The following SEMA4B variants were observed in gnomAD, a reference collection of about 807,000 sequenced individuals.
The protein encoded by SEMA4B is semaphorin 4B.
A neutral mutation model predicts 88.1 loss-of-function variants in SEMA4B; 55 were observed. The ratio of observed to expected loss-of-function variants is 0.62; its 90% confidence interval spans 0.50 to 0.78. SEMA4B has a LOEUF of 0.78. Ranked by LOEUF, SEMA4B falls within the 30% of genes least tolerant of loss-of-function variation. The pLI, the probability that SEMA4B is intolerant of heterozygous loss-of-function variation, is 0.00. For synonymous variants in SEMA4B, 525 were observed against 473.6 expected, an observed-to-expected ratio of 1.11 and a Z score of -1.41; for missense variants, 1,062 against 1,111.9, an observed-to-expected ratio of 0.96 and a Z score of 0.64.
At chr15:90,204,298 C>G (rs1015472535) in intron 1 of SEMA4B, among the ~76,000 whole-genome samples, 10 of 152,202 alleles carry the variant, frequency 6.6e-5, no homozygotes, top group African/African-American at 2.4e-4. Flanking sequence ...ACCCATGCCC[C>G]GTAAGGACCC....
intron 1 of SEMA4B, chr15:90,215,059 C>T: frequency 8.7e-7 from 1 of 1,155,462 alleles, no homozygotes; most frequent in Non-Finnish European, 1.1e-6. Flanking sequence ...GTGGTCATAA[C>T]CCACTGGTCC....
chr15:90,185,145 A>T, intron 1 of SEMA4B: 1 of 878,612 alleles, frequency 1.1e-6, no homozygotes, highest in South Asian at 5.2e-5. Flanking sequence ...ACCAGGCGAA[A>T]ACCGCCGCGC....
intron 3 of SEMA4B, 70 bp from the exon 4 acceptor site, chr15:90,219,723 G>C: frequency 8.0e-7 from 1 of 1,247,596 alleles, no homozygotes; most frequent in Non-Finnish European, 1.1e-6. Flanking sequence ...TGTGGAAGGG[G>C]GGGCTCGGCG....
intron 1 of SEMA4B, among the ~76,000 whole-genome samples, chr15:90,215,987 A>ATTTTTTTTTTTTT (rs1002077767): frequency 1.4e-5 from 2 of 140,282 alleles, no homozygotes; most frequent in Non-Finnish European, 3.1e-5. Context: ...TATTTCCTCC[A>ATTTTTTTTTTTTT]TTTTTTTTTT....
rs139982331 is a variant in SEMA4B at position 90,196,308 on chromosome 15, A to C, written c.-121-5150A>C. Among the ~76,000 whole-genome samples the C allele has an allele frequency of 5.2e-3, 792 of 152,066 alleles. 13 individuals carry two copies. The highest frequency in any genetic ancestry group is 0.018 in the African/African-American group (761 of 41,450). On this transcript the variant is annotated intron_variant, in intron 1 of 14. Coordinates refer to the SEMA4B transcript ENST00000332496. ...ATTACTATGATGCTACTTTTGTCTA[A>C]TTGGTTAAGATTGAGGCCCCGAGAT...
At chr15:90,216,834 A>G (rs1478544679) in intron 1 of SEMA4B, among the ~76,000 whole-genome samples, 2 of 150,778 alleles carry the variant, frequency 1.3e-5, no homozygotes, top group Non-Finnish European at 3.0e-5. Flanking sequence ...ACAGAGCGAG[A>G]CTTCGTCTCA....
chr15:90,209,558 A>C (rs994946207), intron 1 of SEMA4B, among the ~76,000 whole-genome samples: 7 of 152,104 alleles, frequency 4.6e-5, no homozygotes, highest in African/African-American at 1.7e-4. Context: ...CGACAGAGCA[A>C]GACTGTCTTA....
intron 1 of SEMA4B, among the ~76,000 whole-genome samples, chr15:90,188,878 C>G (rs1171820117): frequency 6.6e-6 from 1 of 151,824 alleles, no homozygotes; most frequent in Non-Finnish European, 1.5e-5. Flanking sequence ...CCATGTTAGC[C>G]AGGATGGTCT....
intron 1 of SEMA4B, among the ~76,000 whole-genome samples, chr15:90,207,981 G>A (rs1485938773): frequency 1.3e-5 from 2 of 152,300 alleles, no homozygotes; most frequent in Non-Finnish European, 2.9e-5. Flanking sequence ...GGCCAGGTGC[G>A]GTGGCTCACG....
At chr15:90,195,998 C>T (rs532069778) in intron 1 of SEMA4B, among the ~76,000 whole-genome samples, 2 of 147,178 alleles carry the variant, frequency 1.4e-5, no homozygotes, top group African/African-American at 2.5e-5. Flanking sequence ...CGGCTCACTG[C>T]GAGCTCTGCC....
At chr15:90,197,135 C>T (rs1960534459), upstream of SEMA4B, among the ~76,000 whole-genome samples, 1 of 152,032 alleles carries the variant, frequency 6.6e-6, no homozygotes, top group Admixed American at 6.6e-5. Flanking sequence ...GCCTGTAATC[C>T]CAGCACTTTG....
In SEMA4B at chr15:90,201,342, G is replaced by A; in HGVS notation, c.-237G>A. The A allele has an allele frequency of 8.2e-7, 1 of 1,222,972 alleles. No individual in the cohort carries two copies. The highest frequency in any genetic ancestry group is 3.5e-5 in the East Asian group (1 of 28,654). 75.8% of individuals were successfully genotyped at this position (1,222,972 alleles called of 1,614,324 possible). A position where few individuals can be genotyped will look rare whatever the true frequency, so the allele number is the denominator to read the frequency against. ...CCCGCCCTCCGCCGCTTGCGGGTGA[G>A]CTCTGCCCAAGCCGAGGCTGCGGGG... is the stretch of plus-strand genomic sequence containing the variant. On this transcript the variant is annotated 5_prime_UTR_variant, in exon 1 of 14. Coordinates refer to ENST00000411539, the MANE Select transcript of SEMA4B (RefSeq NM_198925.4).
Position 90,227,963 on chromosome 15 carries a change from C to T in SEMA4B, c.1834C>T (p.Pro612Ser), listed in dbSNP as rs764686648. The T allele has an allele frequency of 7.4e-6, 12 of 1,613,654 alleles. No individual in the cohort carries two copies. Among genetic ancestry groups the T allele is most frequent in the Non-Finnish European group, 1.0e-5 (12 of 1,179,884 alleles). The change falls in exon 14 of 14, where the codon CCG becomes TCG. Residue 612 changes from proline (P) to serine (S), a missense_variant. Transcript: ENST00000411539. ...QPNTVNTLAC[P>S]LLSNLATRLW... is the part of the protein sequence containing the mutation. ...CAACACAGTGAACACTTTGGCCTGC[C>T]CGCTCCTCTCCAACCTGGCGACCCG... is the stretch of plus-strand genomic sequence containing the variant.
chr15:90,227,192 C>T (rs975876873), intron 12 of SEMA4B: 5 of 229,270 alleles, frequency 2.2e-5, no homozygotes, highest in Non-Finnish European at 4.4e-5. Flanking sequence ...GAACCACAGG[C>T]GTGCGCCACC....
At chr15:90,198,088 G>A (rs1227316003), upstream of SEMA4B, among the ~76,000 whole-genome samples, 1 of 151,516 alleles carries the variant, frequency 6.6e-6, no homozygotes, top group Non-Finnish European at 1.5e-5. Flanking sequence ...CACTGTGCCC[G>A]GCTAATTTTT....
rs1480827694 is a variant in SEMA4B, at chr15:90,201,662, C to T, written c.84C>T (p.Leu28=). Residue 28 remains leucine (L), a synonymous_variant, in exon 1 of 14, where the codon CTC becomes CTT. Transcript: ENST00000411539. ...ALPPRPPLLL[L]LLLLLLLQPP... Reference sequence around the variant, plus strand: ...CGCCTCGGCCACCGCTGCTGCTGCTCCTGCTGCTGCTGCTCCTGCTGCAGC... The same window carrying T: ...CGCCTCGGCCACCGCTGCTGCTGCTTCTGCTGCTGCTGCTCCTGCTGCAGC... The T allele has an allele frequency of 1.3e-6, 2 of 1,516,656 alleles. No homozygotes were observed. Among genetic ancestry groups the T allele is most frequent in the Admixed American group, 4.0e-5 (2 of 49,872 alleles). The allele number at this position is 1,516,656 out of a possible 1,614,324, so 93.9% of individuals were successfully genotyped here. A position where few individuals can be genotyped will look rare whatever the true frequency, so the allele number is the denominator to read the frequency against.
intron 1 of SEMA4B, among the ~76,000 whole-genome samples, chr15:90,205,309 G>T (rs1009976163): frequency 1.3e-5 from 2 of 152,230 alleles, no homozygotes; most frequent in Admixed American, 6.5e-5. Flanking sequence ...CTGGTCGCTT[G>T]TTGAGCCCTC....
intron 1 of SEMA4B, among the ~76,000 whole-genome samples, chr15:90,215,569 C>T (rs990409069): frequency 5.3e-5 from 8 of 152,168 alleles, no homozygotes; most frequent in African/African-American, 1.9e-4. Context: ...CCCAGCACTT[C>T]GGGAGGCTGA....
At chr15:90,227,671 G>C (rs1962243948) in intron 13 of SEMA4B, 29 bp downstream of exon 13, 1 of 1,609,354 alleles carries the variant, frequency 6.2e-7, no homozygotes, top group African/African-American at 1.3e-5. Context: ...AGGTGGAGGA[G>C]AGAGGTGGGG....
Sources: allele counts gnomAD v4.1 joint callset (sites outside exome capture counted in the v4.1 genomes callset), GRCh38; gene constraint gnomAD v4.1.1; transcripts MANE v1.5; gene names NCBI Gene and HGNC (gene_info 2026-07-23, HGNC 2026-07-21).